Variants in SEH1L observed in about 807,000 individuals in gnomAD.
The protein encoded by SEH1L is SEH1 like nucleoporin.
A neutral mutation model predicts 49.5 loss-of-function variants in SEH1L; 18 were observed. The ratio of observed to expected loss-of-function variants is 0.36; its 90% CI spans 0.25 to 0.54. The LOEUF is 0.54. Among genes scored for constraint, SEH1L ranks in the 20% least tolerant of loss-of-function variants. SEH1L has a pLI of 0.87. For synonymous variants in SEH1L, 169 were observed against 178.1 expected (o/e 0.95, Z 0.41); for missense variants, 404 against 528.8 (o/e 0.76, Z 2.31).
chr18:12,961,793 A>G (rs1247559026), intron 3 of SEH1L, among the ~76,000 whole-genome samples: 1 of 151,960 alleles, frequency 6.6e-6, no homozygotes, highest in African/African-American at 2.4e-5. Context: ...TAGCCTCTCT[A>G]GTAGCTGGGA....
intron 4 of SEH1L, among the ~76,000 whole-genome samples, chr18:12,965,135 C>T (rs1228819706): frequency 2.6e-5 from 4 of 151,180 alleles, no homozygotes; most frequent in African/African-American, 4.9e-5. Context: ...GCCTCAGCCA[C>T]CTGAGTAGCT....
intron 4 of SEH1L, among the ~76,000 whole-genome samples, chr18:12,963,601 T>G (rs369389355): frequency 2.7e-4 from 41 of 152,360 alleles, no homozygotes; most frequent in African/African-American, 8.7e-4. Context: ...TCTATGCATA[T>G]GCAAATAACT....
At chr18:12,952,658 A>G (rs965271147) in intron 2 of SEH1L, among the ~76,000 whole-genome samples, 12 of 152,010 alleles carry the variant, frequency 7.9e-5, no homozygotes, top group African/African-American at 2.7e-4. Flanking sequence ...AAACTCAGAA[A>G]TTCCTTTGTA....
chr18:12,963,282 A>T lies in SEH1L; in HGVS notation c.432A>T (p.Ala144=). Residue 144 remains alanine (A), a synonymous_variant, in exon 4 of 9, where the codon GCA becomes GCT. Transcript: ENST00000399892. ...SADGIVRIYE[A]PDVMNLSQWS... ...ATGGTATAGTAAGAATCTATGAGGCACCAGATGTTATGAATCTCAGCCAGT... is the reference window on the plus strand; with the variant it reads ...ATGGTATAGTAAGAATCTATGAGGCTCCAGATGTTATGAATCTCAGCCAGT... 1 of 1,614,168 alleles carries T rather than the reference A, an allele frequency of 6.2e-7. No homozygotes were observed. The highest frequency in any genetic ancestry group is 8.5e-7 in the Non-Finnish European group (1 of 1,179,994).
At chr18:12,984,379 G>C in intron 8 of SEH1L, 189 bp downstream of exon 8, 2 of 620,518 alleles carry the variant, frequency 3.2e-6, no homozygotes, top group South Asian at 2.0e-5. Context: ...TTGCAGGTAG[G>C]TTATGAAGTC....
At chr18:12,984,377 A>T (rs1357346007) in intron 8 of SEH1L, 187 bp downstream of exon 8, 2 of 623,204 alleles carry the variant, frequency 3.2e-6, no homozygotes, top group African/African-American at 1.8e-5. Flanking sequence ...ATTTGCAGGT[A>T]GGTTATGAAG....
chr18:12,954,252 G>A (rs1192708106), intron 2 of SEH1L, among the ~76,000 whole-genome samples: 3 of 152,150 alleles, frequency 2.0e-5, no homozygotes, highest in Admixed American at 6.6e-5. Context: ...GAAGCACCTA[G>A]CAAATTCTTT....
At chr18:12,982,726 T>C (rs1446606444) in intron 7 of SEH1L, 51 bp downstream of exon 7, 2 of 1,361,328 alleles carry the variant, frequency 1.5e-6, no homozygotes, top group Non-Finnish European at 2.0e-6. Context: ...TGCTCTGCAA[T>C]TTTTACTTAA....
chr18:12,951,998 A>C, intron 2 of SEH1L, 93 bp downstream of exon 2: 2 of 675,480 alleles, frequency 3.0e-6, no homozygotes, highest in Non-Finnish European at 4.8e-6. Flanking sequence ...AATAACATTT[A>C]TACAGTAGTT....
chr18:12,974,023 A>G (rs1173784287), intron 5 of SEH1L: 1 of 152,200 alleles, frequency 6.6e-6, no homozygotes, highest in Non-Finnish European at 1.5e-5. Context: ...CTTAGCTGCA[A>G]GAGAGTGAGA....
At chr18:12,958,994 A>G (rs747103951) in intron 3 of SEH1L, among the ~76,000 whole-genome samples, 42 of 152,152 alleles carry the variant, frequency 2.8e-4, no homozygotes, top group Non-Finnish European at 2.8e-4. Flanking sequence ...GTTTTTCCAA[A>G]TCTTCATCAG....
intron 5 of SEH1L, chr18:12,972,125 G>A (rs1421661222): frequency 6.6e-6 from 1 of 152,264 alleles, no homozygotes; most frequent in Non-Finnish European, 1.5e-5. Context: ...ATGCTATGAA[G>A]ACAGTCCAGG....
chr18:12,957,383 G>A lies in SEH1L; in HGVS notation c.309+1774G>A, dbSNP rs112863665. On this transcript the variant is annotated intron_variant, in intron 3 of 8. Coordinates refer to ENST00000399892, the MANE Select transcript of SEH1L (RefSeq NM_001013437.2). ...GCGGAGGTTGTGATGAGCAGAGATCGTGCCATTGCACTCCAGCCTGGGGAA... is the reference window on the plus strand; with the variant it reads ...GCGGAGGTTGTGATGAGCAGAGATCATGCCATTGCACTCCAGCCTGGGGAA... Among the ~76,000 whole-genome samples the A allele has an allele frequency of 9.2e-3, 1,395 of 151,302 alleles. 21 individuals carry two copies. Among genetic ancestry groups the A allele is most frequent in the East Asian group, 0.038 (192 of 5,102 alleles).
chr18:12,964,602 CA>C (rs1267557294), intron 4 of SEH1L: 2 of 146,034 alleles, frequency 1.4e-5, no homozygotes, highest in Non-Finnish European at 1.5e-5. Flanking sequence ...ACATATTTAT[CA>C]ATTTTTAGAC....
At chr18:12,980,282 C>T (rs1598977426) in intron 6 of SEH1L, among the ~76,000 whole-genome samples, 4 of 134,726 alleles carry the variant, frequency 3.0e-5, no homozygotes, top group African/African-American at 5.5e-5. Context: ...GGCGGCTGGC[C>T]GGGCAGAGGG....
chr18:12,965,392 G>A (rs895569970), intron 4 of SEH1L, among the ~76,000 whole-genome samples: 4 of 152,134 alleles, frequency 2.6e-5, no homozygotes, highest in South Asian at 2.1e-4. Flanking sequence ...ACATGTGTAA[G>A]TATTTTGTCT....
chr18:12,975,985 T>C (rs1233444461), intron 5 of SEH1L: 6 of 563,274 alleles, frequency 1.1e-5, no homozygotes, highest in Non-Finnish European at 9.0e-6. Context: ...TTCAGACATA[T>C]GTTTGAGGTG....
At chr18:12,975,257 G>A (rs1277848283) in intron 5 of SEH1L, among the ~76,000 whole-genome samples, 1 of 151,946 alleles carries the variant, frequency 6.6e-6, no homozygotes, top group African/African-American at 2.4e-5. Context: ...CTCCCAAAGT[G>A]TTGGGATTAC....
intron 1 of SEH1L, among the ~76,000 whole-genome samples, chr18:12,950,169 G>T (rs2030432198): frequency 1.3e-5 from 2 of 151,930 alleles, no homozygotes. Flanking sequence ...CAGTAGCTGG[G>T]ACTACGAGTG....
Sources: gnomAD v4.1 joint callset for allele counts (sites outside exome capture counted in the v4.1 genomes callset) on GRCh38, gnomAD v4.1.1 for gene constraint, MANE v1.5 for transcripts, NCBI Gene and HGNC (gene_info 2026-07-23, HGNC 2026-07-21) for gene names.